The following NBAS variants were observed in gnomAD, a reference collection of about 807,000 sequenced individuals.
NBAS encodes NBAS subunit of NRZ tethering complex, also known as NAG/BC035112 fusion.
A neutral mutation model predicts 302.5 loss-of-function variants in NBAS; 219 were observed. The observed-to-expected ratio is 0.72, with a 90% CI of 0.65 to 0.81. The LOEUF is 0.81. Among genes scored for constraint, NBAS ranks in the 30% least tolerant of loss-of-function variants. The probability of loss-of-function intolerance (pLI) is 0.00; values close to 1 mark genes in which losing one functional copy is unlikely to be tolerated. For synonymous variants in NBAS, 1,118 were observed against 1,021.6 expected, an observed-to-expected ratio of 1.09 and a Z score of -1.80; for missense variants, 2,932 against 2,841.6, an observed-to-expected ratio of 1.03 and a Z score of -0.72.
chr2:15,190,153 C>G lies in NBAS; in HGVS notation c.6572+111G>C, dbSNP rs565215643. 3 of 1,234,716 alleles carry G rather than the reference C, an allele frequency of 2.4e-6. No homozygotes were observed. In the African/African-American group the frequency reaches 4.5e-5, roughly 19 times the overall value. 76.5% of individuals were successfully genotyped at this position (1,234,716 alleles called of 1,614,324 possible). ...TTCCTCTAAAGGCAAATACTGACTA[C>G]GCACACACATATAATTATTCTTTCA... On this transcript the variant is annotated intron_variant, in intron 49 of 51. Transcript: ENST00000281513.
chr2:14,782,400 G>A, the NBAS span, among the ~76,000 whole-genome samples: 17 of 152,100 alleles, frequency 1.1e-4, no homozygotes, highest in Non-Finnish European at 2.2e-4. Flanking sequence ...AATCAAAACC[G>A]CAATGAAATA....
intron 42 of NBAS, among the ~76,000 whole-genome samples, chr2:15,285,987 C>T (rs568355318): frequency 4.7e-4 from 72 of 152,258 alleles, no homozygotes; most frequent in African/African-American, 1.6e-3. Flanking sequence ...ACACTTCCCC[C>T]AAAATACCTT....
At chr2:15,448,040 A>G (rs1317925360) in intron 21 of NBAS, among the ~76,000 whole-genome samples, 1 of 152,184 alleles carries the variant, frequency 6.6e-6, no homozygotes, top group Non-Finnish European at 1.5e-5. Flanking sequence ...TCAAGCCTTT[A>G]TAAGGGTGCT....
the NBAS span, among the ~76,000 whole-genome samples, chr2:14,976,849 C>G: frequency 1.4e-4 from 21 of 152,206 alleles, no homozygotes; most frequent in African/African-American, 4.6e-4. Flanking sequence ...CCACCAGAAA[C>G]TGGAAGAGGC....
chr2:15,080,739 T>C, the NBAS span, among the ~76,000 whole-genome samples: 1 of 152,238 alleles, frequency 6.6e-6, no homozygotes, highest in Non-Finnish European at 1.5e-5. Flanking sequence ...TGGGCTCAGC[T>C]GAACTGTTGG....
At chr2:15,152,585 C>T in the NBAS span, among the ~76,000 whole-genome samples, 1 of 152,234 alleles carries the variant, frequency 6.6e-6, no homozygotes, top group Non-Finnish European at 1.5e-5. Context: ...GCCAAGCTGT[C>T]ATCAATCAGC....
the NBAS span, among the ~76,000 whole-genome samples, chr2:14,978,217 A>G: frequency 6.6e-6 from 1 of 152,180 alleles, no homozygotes; most frequent in South Asian, 2.1e-4. Flanking sequence ...CTTCCAAGAC[A>G]GCGTAATTCT....
At chr2:15,067,003 A>C in the NBAS span, among the ~76,000 whole-genome samples, 156 of 152,182 alleles carry the variant, frequency 1.0e-3, 1 homozygote, top group Admixed American at 2.0e-3. Flanking sequence ...TAATGCATAC[A>C]ATAGAATATT....
intron 10 of NBAS, among the ~76,000 whole-genome samples, chr2:15,509,498 T>G (rs576287513): frequency 6.6e-6 from 1 of 152,304 alleles, no homozygotes; most frequent in South Asian, 2.1e-4. Flanking sequence ...TTGACTTCAT[T>G]TAAAGAAAAA....
At chr2:15,371,586 C>A (rs1425534119) in intron 31 of NBAS, among the ~76,000 whole-genome samples, 2 of 152,164 alleles carry the variant, frequency 1.3e-5, no homozygotes, top group Admixed American at 6.5e-5. Context: ...GATACTGTTG[C>A]CACAGGTTAC....
At chr2:15,186,938 T>A in intron 49 of NBAS, 58 bp from the exon 50 acceptor site, 1 of 1,607,904 alleles carries the variant, frequency 6.2e-7, no homozygotes, top group Non-Finnish European at 8.5e-7. Context: ...ATCATAATTG[T>A]GATAAATTTT....
the NBAS span, among the ~76,000 whole-genome samples, chr2:15,142,548 T>G: frequency 1.6e-3 from 238 of 152,372 alleles, no homozygotes; most frequent in Middle Eastern, 3.4e-3. Context: ...TCCCCTTGTT[T>G]TGAAGAGACA....
At chr2:15,436,676 A>G (rs1678032734) in intron 21 of NBAS, among the ~76,000 whole-genome samples, 12 of 152,162 alleles carry the variant, frequency 7.9e-5, no homozygotes, top group Admixed American at 7.9e-4. Flanking sequence ...TAGAGGAAAA[A>G]AATTGAAACC....
intron 44 of NBAS, among the ~76,000 whole-genome samples, chr2:15,273,860 C>T (rs372930642): frequency 2.8e-4 from 43 of 151,654 alleles, no homozygotes; most frequent in African/African-American, 9.9e-4. Context: ...TGGATCACGA[C>T]GTCAGGAGAT....
intron 48 of NBAS, among the ~76,000 whole-genome samples, chr2:15,203,049 TA>T: frequency 6.6e-6 from 1 of 152,162 alleles, no homozygotes; most frequent in African/African-American, 2.4e-5. Context: ...CTTTCATATG[TA>T]AAAATAAGGT....
intron 25 of NBAS, among the ~76,000 whole-genome samples, chr2:15,412,883 T>C (rs1285589043): frequency 6.6e-6 from 1 of 152,142 alleles, no homozygotes. Context: ...AGCTAATTAC[T>C]TCTACATAAA....
At chr2:14,982,565 T>G in the NBAS span, among the ~76,000 whole-genome samples, 1 of 151,986 alleles carries the variant, frequency 6.6e-6, no homozygotes, top group African/African-American at 2.4e-5. Context: ...AGAGAGGGTA[T>G]CTAGAGAGAA....
At chr2:14,923,437 T>G in the NBAS span, among the ~76,000 whole-genome samples, 1 of 151,926 alleles carries the variant, frequency 6.6e-6, no homozygotes, top group African/African-American at 2.4e-5. Context: ...CTAGAAGAGG[T>G]GGCAAATCCT....
the NBAS span, among the ~76,000 whole-genome samples, chr2:15,108,313 A>G: frequency 6.6e-6 from 1 of 152,140 alleles, no homozygotes; most frequent in Non-Finnish European, 1.5e-5. Flanking sequence ...GAATATCATT[A>G]TTCTTGCTTT....
Sources: allele counts gnomAD v4.1 joint callset (sites outside exome capture counted in the v4.1 genomes callset), GRCh38; gene constraint gnomAD v4.1.1; transcripts MANE v1.5; gene names NCBI Gene and HGNC (gene_info 2026-07-23, HGNC 2026-07-21).